Variants in SUFU observed in about 807,000 individuals in gnomAD.
SUFU encodes SUFU negative regulator of hedgehog signaling.
Under a neutral mutation model 58.9 loss-of-function variants are expected in SUFU, and 7 were observed. The ratio of observed to expected loss-of-function variants is 0.12; its 90% CI spans 0.07 to 0.22. The LOEUF (loss-of-function observed/expected upper bound fraction) is 0.22. Ranked by LOEUF, SUFU falls within the 10% of genes least tolerant of loss-of-function variation. The pLI is 1.00. For synonymous variants in SUFU, 232 were observed against 254.8 expected (o/e 0.91, Z 0.85); for missense variants, 451 against 641.3 (o/e 0.70, Z 3.20).
intron 2 of SUFU, among the ~76,000 whole-genome samples, chr10:102,526,135 G>A (rs556748321): frequency 6.6e-6 from 1 of 152,224 alleles, no homozygotes; most frequent in Admixed American, 6.5e-5. Flanking sequence ...GTTGCCTAAG[G>A]AGGGGTGACC....
At chr10:102,529,186 A>G (rs1177940470) in intron 2 of SUFU, among the ~76,000 whole-genome samples, 1 of 152,170 alleles carries the variant, frequency 6.6e-6, no homozygotes, top group East Asian at 1.9e-4. Flanking sequence ...ATAAAGTATC[A>G]GTAATTTTGA....
rs1480529456 is a variant in SUFU at position 102,628,031 on chromosome 10, C to T, written c.1365+788C>T. ...GCAGGCTGGCCGGGCCTCTGGAGAG[C>T]TCTCCTGGGCCCTGCCCTGCCTGTG... On this transcript the variant is annotated intron_variant, in intron 11 of 11. Coordinates refer to ENST00000369902, the MANE Select transcript of SUFU (RefSeq NM_016169.4). This position sits in a 1 kb window ranked among gnomAD's most constrained non-coding sequence, Gnocchi z 4.5. Among the ~76,000 whole-genome samples the T allele has an allele frequency of 6.6e-6, 1 of 152,212 alleles. No individual in the cohort carries two copies. The highest frequency in any genetic ancestry group is 1.5e-5 in the Non-Finnish European group (1 of 68,022).
chr10:102,535,184 G>T (rs1401611965), intron 2 of SUFU, among the ~76,000 whole-genome samples: 3 of 152,048 alleles, frequency 2.0e-5, no homozygotes, highest in African/African-American at 7.2e-5. Flanking sequence ...GAAGAGGAAG[G>T]GGGAAAGAAA....
chr10:102,509,454 G>T, intron 2 of SUFU, 151 bp downstream of exon 2: 1 of 1,120,678 alleles, frequency 8.9e-7, no homozygotes, highest in Non-Finnish European at 1.3e-6. Flanking sequence ...TGCCAAGGTG[G>T]TCCTCGTTAA....
At chr10:102,604,248 T>C (rs1386470064) in intron 8 of SUFU, among the ~76,000 whole-genome samples, 2 of 152,252 alleles carry the variant, frequency 1.3e-5, no homozygotes, top group Non-Finnish European at 2.9e-5. Context: ...CTCTGCTCCC[T>C]GCGTCCTGGA....
intron 2 of SUFU, among the ~76,000 whole-genome samples, chr10:102,516,992 G>A (rs1256675732): frequency 2.0e-5 from 3 of 151,216 alleles, no homozygotes; most frequent in African/African-American, 7.3e-5. Flanking sequence ...GTGTGGTGGT[G>A]GGCACCTGTA....
intron 2 of SUFU, among the ~76,000 whole-genome samples, chr10:102,515,531 G>T (rs1367630491): frequency 6.6e-6 from 1 of 152,052 alleles, no homozygotes; most frequent in African/African-American, 2.4e-5. Flanking sequence ...GGCCGGGCTG[G>T]TCTCGAACTC....
At position 102,619,086 on chromosome 10, in the gene SUFU, C is replaced by A. The variant is rs1350566916; in HGVS notation, c.1296+1658C>A. The stretch of plus-strand genomic sequence containing the variant: ...CTCAGCTCTGAACCTATCCTCGGAG[C>A]TCTGCCCTCCCGTCCTGGAACGTCT... On this transcript the variant is annotated intron_variant, in intron 10 of 11. Transcript: ENST00000369902. The surrounding 1 kb of genome is among the most constrained non-coding windows in gnomAD (Gnocchi z 4.2). The A allele has an allele frequency of 8.7e-6, 14 of 1,612,674 alleles. No individual in the cohort carries two copies. The South Asian group carries it at 1.5e-4, about 18-fold the overall frequency.
Position 102,536,178 on chromosome 10 carries a change from T to A in SUFU, c.318-13792T>A, listed in dbSNP as rs1335665884. On this transcript the variant is annotated intron_variant, in intron 2 of 11. Coordinates refer to ENST00000369902, the MANE Select transcript of SUFU (RefSeq NM_016169.4). ...GACGGTTTCACCATGTTGGCCAGGCTGGTCTGAAACTCCTGACCTCAGGTG... is the reference window on the plus strand; with the variant it reads ...GACGGTTTCACCATGTTGGCCAGGCAGGTCTGAAACTCCTGACCTCAGGTG... Among the ~76,000 whole-genome samples the A allele has an allele frequency of 7.2e-5, 11 of 151,804 alleles. No homozygotes were observed. The East Asian group carries it at 2.1e-3, about 30-fold the overall frequency.
chr10:102,507,451 C>A (rs2062341152), intron 1 of SUFU, among the ~76,000 whole-genome samples: 3 of 152,138 alleles, frequency 2.0e-5, no homozygotes, highest in Admixed American at 2.0e-4. Context: ...TCTTCCCTTG[C>A]CCCACAAACT....
intron 2 of SUFU, among the ~76,000 whole-genome samples, chr10:102,527,008 T>C (rs2062616299): frequency 7.0e-6 from 1 of 143,150 alleles, no homozygotes; most frequent in African/African-American, 2.6e-5. Flanking sequence ...TTTTTTTTTT[T>C]TTTTTTGAGA....
intron 10 of SUFU, chr10:102,618,259 C>T (rs1044137700): frequency 6.6e-6 from 1 of 152,454 alleles, no homozygotes; most frequent in Non-Finnish European, 1.5e-5. Context: ...CTAAAGGTGG[C>T]CATACCTGGT....
chr10:102,514,575 G>T (rs1371223532), intron 2 of SUFU, among the ~76,000 whole-genome samples: 2 of 152,224 alleles, frequency 1.3e-5, no homozygotes, highest in Non-Finnish European at 2.9e-5. Context: ...CCCCAAGGCT[G>T]CTCCCAACTG....
At chr10:102,560,526 G>T (rs1431103571) in intron 3 of SUFU, among the ~76,000 whole-genome samples, 1 of 152,128 alleles carries the variant, frequency 6.6e-6, no homozygotes, top group Non-Finnish European at 1.5e-5. Flanking sequence ...AGTGAGCTGG[G>T]AGCACGCCAC....
intron 6 of SUFU, among the ~76,000 whole-genome samples, chr10:102,594,682 G>C (rs1169474471): frequency 1.3e-5 from 2 of 152,152 alleles, no homozygotes; most frequent in African/African-American, 2.4e-5. Flanking sequence ...GCATTCCTTT[G>C]TCATGCAGGT....
intron 2 of SUFU, among the ~76,000 whole-genome samples, chr10:102,520,062 G>A (rs1195970510): frequency 6.6e-6 from 1 of 151,738 alleles, no homozygotes; most frequent in Non-Finnish European, 1.5e-5. Context: ...GTGAGCCACC[G>A]CGCCTGGCCA....
chr10:102,513,759 T>G (rs2062430397), intron 2 of SUFU, among the ~76,000 whole-genome samples: 1 of 152,236 alleles, frequency 6.6e-6, no homozygotes, highest in African/African-American at 2.4e-5. Flanking sequence ...GAGAGGGACT[T>G]GAAAAACCTT....
chr10:102,534,682 C>T (rs964031331), intron 2 of SUFU, among the ~76,000 whole-genome samples: 2 of 152,170 alleles, frequency 1.3e-5, no homozygotes, highest in African/African-American at 2.4e-5. Context: ...TGACAGGAAA[C>T]GGTACAAATA....
At chr10:102,608,872 C>G (rs2063590839) in intron 8 of SUFU, among the ~76,000 whole-genome samples, 1 of 152,198 alleles carries the variant, frequency 6.6e-6, no homozygotes, top group Non-Finnish European at 1.5e-5. Context: ...GGGACATATT[C>G]CATCCACCTT....
Sources: gnomAD v4.1 joint callset for allele counts (sites outside exome capture counted in the v4.1 genomes callset) on GRCh38, gnomAD v4.1.1 for gene constraint, Gnocchi (gnomAD v3.1) non-coding constraint, MANE v1.5 for transcripts, NCBI Gene and HGNC (gene_info 2026-07-23, HGNC 2026-07-21) for gene names.